COL19A1: variants seen among roughly 807,000 people sequenced by gnomAD.
The protein encoded by COL19A1 is collagen type XIX alpha 1 chain, also known as collagen alpha-1(XIX) chain.
In COL19A1, 159 loss-of-function variants were observed where a neutral mutation model predicts 190.2. The ratio of observed to expected loss-of-function variants is 0.84; its 90% CI spans 0.73 to 0.95. The LOEUF is 0.95. COL19A1 is among the 40% of genes least tolerant of loss of function. The pLI, the probability that COL19A1 is intolerant of heterozygous loss-of-function variation, is 0.00. For synonymous variants in COL19A1, 509 were observed against 458.9 expected, an observed-to-expected ratio of 1.11 and a Z score of -1.39; for missense variants, 1,418 against 1,431.9, an observed-to-expected ratio of 0.99 and a Z score of 0.16.
chr6:69,894,304 C>T (rs1167435064), intron 2 of COL19A1, among the ~76,000 whole-genome samples: 1 of 152,206 alleles, frequency 6.6e-6, no homozygotes, highest in African/African-American at 2.4e-5. Flanking sequence ...TTGCTTTCTT[C>T]ATTAAGGGCC....
At chr6:69,949,782 C>A (rs750158526) in intron 9 of COL19A1, among the ~76,000 whole-genome samples, 6 of 151,856 alleles carry the variant, frequency 4.0e-5, no homozygotes, top group Middle Eastern at 6.8e-3. Flanking sequence ...AGTTATAATT[C>A]TTTGTTTTGT....
chr6:69,962,723 A>C, intron 10 of COL19A1, 103 bp from the exon 11 acceptor site: 1 of 701,334 alleles, frequency 1.4e-6, no homozygotes, highest in East Asian at 3.1e-5. Context: ...GTTATTTACA[A>C]TTACTGATTT....
At chr6:69,884,035 A>G (rs1387084615) in intron 2 of COL19A1, among the ~76,000 whole-genome samples, 1 of 152,118 alleles carries the variant, frequency 6.6e-6, no homozygotes, top group Admixed American at 6.5e-5. Context: ...ATGAATGGGT[A>G]TAGAAAGTAT....
At chr6:69,962,929 G>T in intron 11 of COL19A1, 59 bp downstream of exon 11, 3 of 1,385,766 alleles carry the variant, frequency 2.2e-6, no homozygotes, top group Non-Finnish European at 3.0e-6. Context: ...AAAATGTTTT[G>T]AAATAAAATA....
intron 48 of COL19A1, among the ~76,000 whole-genome samples, chr6:70,192,946 A>G (rs968608663): frequency 1.3e-5 from 2 of 152,178 alleles, no homozygotes; most frequent in African/African-American, 4.8e-5. Context: ...TATGGGCTGT[A>G]GTGTCTTTAT....
chr6:70,105,597 T>G (rs949682491), intron 16 of COL19A1, among the ~76,000 whole-genome samples: 3 of 152,188 alleles, frequency 2.0e-5, no homozygotes, highest in Non-Finnish European at 4.4e-5. Context: ...ATCAAAACAT[T>G]ATTGTTTTTC....
intron 16 of COL19A1, among the ~76,000 whole-genome samples, chr6:70,109,480 TG>T (rs1271682425): frequency 6.6e-6 from 1 of 151,018 alleles, no homozygotes; most frequent in African/African-American, 2.4e-5. Flanking sequence ...AAAGAAGGGT[TG>T]GGGGGCAAGT....
Position 69,932,839 on chromosome 6 carries a change from ATGT to A in COL19A1, c.727_729del (p.Cys243del). 6.2e-7 allele frequency: 1 copy of A among 1,607,366 alleles called. No individual in the cohort carries two copies. Among genetic ancestry groups the A allele is most frequent in the East Asian group, 2.2e-5 (1 of 44,676 alleles). On this transcript the variant is annotated inframe_deletion, in exon 7 of 51. Transcript: ENST00000620364. ...GTGCAAACCTCATAGCTCAAGAAAC[ATGT>A]TGTGAAATATCAGATACTAAGGTAA...
chr6:70,094,281 G>C (rs907346094), intron 15 of COL19A1, among the ~76,000 whole-genome samples: 1 of 152,140 alleles, frequency 6.6e-6, no homozygotes, highest in Non-Finnish European at 1.5e-5. Context: ...AGTCTGTAAT[G>C]TTTTCCTGTG....
intron 12 of COL19A1, 69 bp from the exon 13 acceptor site, chr6:70,034,176 T>C (rs1779220695): frequency 9.5e-7 from 1 of 1,057,440 alleles, no homozygotes; most frequent in Admixed American, 1.7e-5. Flanking sequence ...ATGATTTATT[T>C]TGTTACTAAT....
chr6:69,921,564 G>A (rs957133186), intron 4 of COL19A1, among the ~76,000 whole-genome samples: 47 of 81,910 alleles, frequency 5.7e-4, no homozygotes, highest in African/African-American at 2.3e-3. Context: ...ATATATATTC[G>A]TATATATTCA....
intron 16 of COL19A1, among the ~76,000 whole-genome samples, chr6:70,106,845 T>C (rs1016907813): frequency 7.2e-5 from 11 of 152,170 alleles, no homozygotes; most frequent in African/African-American, 2.7e-4. Context: ...TTTCAATACA[T>C]AAAGATTACG....
At chr6:70,184,463 T>C (rs1189773360) in intron 44 of COL19A1, among the ~76,000 whole-genome samples, 2 of 152,228 alleles carry the variant, frequency 1.3e-5, no homozygotes, top group Non-Finnish European at 2.9e-5. Flanking sequence ...AGTGAAGAGA[T>C]TGATGCTATT....
At chr6:69,990,894 T>A (rs1776581716) in intron 11 of COL19A1, among the ~76,000 whole-genome samples, 1 of 152,120 alleles carries the variant, frequency 6.6e-6, no homozygotes, top group African/African-American at 2.4e-5. Context: ...TCTTCCTTTT[T>A]CTGACTTCTA....
At chr6:70,126,124 T>A (rs1785177771) in intron 17 of COL19A1, among the ~76,000 whole-genome samples, 1 of 151,398 alleles carries the variant, frequency 6.6e-6, no homozygotes, top group Admixed American at 6.6e-5. Flanking sequence ...CAACCAATTC[T>A]TGTATTCATT....
At chr6:70,020,266 C>G (rs1562091780) in intron 11 of COL19A1, among the ~76,000 whole-genome samples, 1 of 151,854 alleles carries the variant, frequency 6.6e-6, no homozygotes, top group African/African-American at 2.4e-5. Flanking sequence ...TGATATTTTC[C>G]CCCAATTTGT....
intron 16 of COL19A1, among the ~76,000 whole-genome samples, chr6:70,120,664 T>C (rs759134096): frequency 5.9e-5 from 9 of 152,202 alleles, no homozygotes; most frequent in African/African-American, 1.2e-4. Flanking sequence ...TTTCCAATCA[T>C]AGGCAACACC....
chr6:69,878,790 A>G (rs866289197), intron 1 of COL19A1, among the ~76,000 whole-genome samples: 1 of 152,254 alleles, frequency 6.6e-6, no homozygotes, highest in African/African-American at 2.4e-5. Flanking sequence ...TAGCCAAAAG[A>G]TGGGAGCAAC....
chr6:69,996,332 T>A (rs1776903296), intron 11 of COL19A1, among the ~76,000 whole-genome samples: 1 of 152,184 alleles, frequency 6.6e-6, no homozygotes, highest in South Asian at 2.1e-4. Context: ...GGTCACTAGA[T>A]CACAATTACA....
Sources: gnomAD v4.1 joint callset for allele counts (sites outside exome capture counted in the v4.1 genomes callset) on GRCh38, gnomAD v4.1.1 for gene constraint, MANE v1.5 for transcripts, NCBI Gene and HGNC (gene_info 2026-07-23, HGNC 2026-07-21) for gene names.